The following CHD4 variants were observed in gnomAD, a reference collection of about 807,000 sequenced individuals.
CHD4 encodes ATP-dependent chromatin remodeler CHD4.
In CHD4, 35 loss-of-function variants were observed where a neutral mutation model predicts 235.5. The observed-to-expected ratio is 0.15, with a 90% CI of 0.11 to 0.20. The LOEUF is 0.20. CHD4 is among the 10% of genes least tolerant of loss of function. CHD4 has a pLI of 1.00. For missense variants in CHD4, 1,329 were observed against 2,432.3 expected, an observed-to-expected ratio of 0.55 and a Z score of 9.54; for synonymous variants, 900 against 850.2, an observed-to-expected ratio of 1.06 and a Z score of -1.02.
intron 1 of CHD4, 73 bp from the exon 2 acceptor site, chr12:6,606,524 C>T: frequency 2.0e-6 from 1 of 512,070 alleles, no homozygotes; most frequent in Non-Finnish European, 3.4e-6. Context: ...CACCCACCCG[C>T]TCTTTCCGCC....
intron 7 of CHD4, 68 bp from the exon 8 acceptor site, chr12:6,600,737 G>A: frequency 6.4e-7 from 1 of 1,563,140 alleles, no homozygotes; most frequent in Non-Finnish European, 8.7e-7. Context: ...GCAGAGAGGG[G>A]AGTACTCTCT....
chr12:6,578,036 T>G lies in CHD4; in HGVS notation c.5221A>C (p.Ile1741Leu). The G allele has an allele frequency of 1.2e-6, 2 of 1,612,610 alleles. No homozygotes were observed. The highest frequency in any genetic ancestry group is 4.5e-5 in the East Asian group (2 of 44,882). The change falls in exon 36 of 40, where the codon ATT (isoleucine) becomes CTT (leucine). Residue 1741 changes from isoleucine to leucine, a missense_variant. By Grantham distance (5) the Ile-to-Leu change is conservative. Coordinates refer to ENST00000544040, the MANE Select transcript of CHD4 (RefSeq NM_001273.5). ...RRHDYWLLAG[I>L]INHGYARWQD... ...GATTCAGGCAAAGGATACTTTATAA[T>G]GCCGGCTAGCAGCCAGTAGTCATGC...
rs962908440 is a variant in CHD4 at position 6,583,011 on chromosome 12, A to T, written c.4147+16T>A. 6.3e-7 allele frequency: 1 copy of T among 1,587,204 alleles called. No homozygotes were observed. Among genetic ancestry groups the T allele is most frequent in the Non-Finnish European group, 8.6e-7 (1 of 1,167,876 alleles). ...AGCAACATTTAGAAAAGCAACAAAA[A>T]AAGCACAGCCCTCACCTTCTGAACG... On this transcript the variant is annotated intron_variant, in intron 27 of 39. Coordinates refer to ENST00000544040, the MANE Select transcript of CHD4 (RefSeq NM_001273.5).
chr12:6,591,363 A>C, intron 22 of CHD4, 103 bp downstream of exon 22: 3 of 862,922 alleles, frequency 3.5e-6, no homozygotes, highest in Non-Finnish European at 5.5e-6. Context: ...CAAATGACAA[A>C]GTCCCAAAAG....
intron 33 of CHD4, among the ~76,000 whole-genome samples, chr12:6,579,862 C>T (rs1277638617): frequency 6.6e-6 from 1 of 151,696 alleles, no homozygotes; most frequent in East Asian, 1.9e-4. Flanking sequence ...GGAGACCATC[C>T]TAGCTAACAC....
intron 33 of CHD4, chr12:6,580,792 A>G: frequency 2.6e-6 from 1 of 379,780 alleles, no homozygotes; most frequent in Non-Finnish European, 4.7e-6. Context: ...GTGGATCATG[A>G]GGTCAGGAGA....
At position 6,593,412 on chromosome 12, in the gene CHD4, A is replaced by G; in HGVS notation, c.2514+4T>C. 6.2e-7 allele frequency: 1 copy of G among 1,613,552 alleles called. No homozygotes were observed. Among genetic ancestry groups the G allele is most frequent in the Non-Finnish European group, 8.5e-7 (1 of 1,179,516 alleles). On this transcript the variant is annotated splice_donor_region_variant and intron_variant, in intron 16 of 39. Transcript: ENST00000544040. The surrounding 1 kb of genome is among the most constrained non-coding windows in gnomAD (Gnocchi z 4.9). ...TCTAGGGTGGCTTCCCTCCCCTGAG[A>G]TACCTTCATGCGGGAGGCCTTCTTG...
At chr12:6,572,984 T>C in intron 38 of CHD4, 90 bp downstream of exon 38, 2 of 1,303,986 alleles carry the variant, frequency 1.5e-6, no homozygotes, top group Non-Finnish European at 2.1e-6. Flanking sequence ...ACAAAGGAGC[T>C]CTGAAAGTTT....
chr12:6,606,584 T>C (rs1374022343), intron 1 of CHD4, 133 bp from the exon 2 acceptor site: 2 of 470,856 alleles, frequency 4.2e-6, no homozygotes, highest in Non-Finnish European at 7.5e-6. Flanking sequence ...AGGCTGAACT[T>C]AGTTCCACAC....
chr12:6,601,629 C>A lies in CHD4; in HGVS notation c.557+19G>T. 2 of 1,613,768 alleles carry A rather than the reference C, an allele frequency of 1.2e-6. No homozygotes were observed. The highest frequency in any genetic ancestry group is 1.3e-5 in the African/African-American group (1 of 75,028). ...CAGAAAGATTCTCCTCCCCCTTCCC[C>A]AAACCCCTTCTGTTTTACCTGACAA... is the stretch of plus-strand genomic sequence containing the variant. On this transcript the variant is annotated intron_variant, in intron 5 of 39. Transcript: ENST00000544040.
chr12:6,588,985 C>T (rs866448521), intron 22 of CHD4, among the ~76,000 whole-genome samples: 1 of 152,082 alleles, frequency 6.6e-6, no homozygotes, highest in African/African-American at 2.4e-5. Context: ...CAGTGACTCA[C>T]ACCTGTAACC....
intron 22 of CHD4, among the ~76,000 whole-genome samples, chr12:6,590,539 C>T (rs1326172697): frequency 6.6e-6 from 1 of 151,984 alleles, no homozygotes; most frequent in Non-Finnish European, 1.5e-5. Flanking sequence ...AGTAGTGATA[C>T]TGAGCACAGT....
intron 2 of CHD4, among the ~76,000 whole-genome samples, chr12:6,603,403 G>C (rs1259992631): frequency 2.6e-5 from 4 of 152,138 alleles, no homozygotes; most frequent in Non-Finnish European, 4.4e-5. Context: ...GCCCAAAGGG[G>C]GGTGGGTAGA....
At chr12:6,596,542 A>C (rs1948500911) in intron 12 of CHD4, among the ~76,000 whole-genome samples, 1 of 151,008 alleles carries the variant, frequency 6.6e-6, no homozygotes, top group Non-Finnish European at 1.5e-5. Flanking sequence ...GCTCACGCCT[A>C]TAATCCCAGC....
Position 6,598,282 on chromosome 12 carries a change from C to A in CHD4, c.1626G>T (p.Gln542His). The change falls in exon 11 of 40, where the codon CAG becomes CAT. Residue 542 changes from glutamine (Q) to histidine (H), a missense_variant. Physicochemically the swap from Gln to His is conservative, Grantham distance 24. Around this residue, in one of 26 missense-constraint regions of CHD4, gnomAD observed 45 missense variants for 47.5 expected, o/e 0.95. Transcript: ENST00000544040. The part of the protein sequence containing the change: ...PKPLEGRPER[Q>H]FFVKWQGMSY... ...ACATGCCTTGCCATTTCACAAAGAA[C>A]TGCCGCTCTGGCCGCCCCTCCAAGG... The A allele has an allele frequency of 1.2e-6, 2 of 1,614,110 alleles. No homozygotes were observed. Among genetic ancestry groups the A allele is most frequent in the South Asian group, 1.1e-5 (1 of 91,056 alleles).
Position 6,599,946 on chromosome 12 carries a change from C to T in CHD4, c.1309G>A (p.Val437Ile). The T allele has an allele frequency of 6.2e-7, 1 of 1,614,208 alleles. No homozygotes were observed. The highest frequency in any genetic ancestry group is 8.5e-7 in the Non-Finnish European group (1 of 1,180,036). Residue 437 changes from valine (V) to isoleucine (I), a missense_variant, in exon 10 of 40, where the codon GTT becomes ATT. By Grantham distance (29) the Val-to-Ile change is conservative (BLOSUM62 3). This residue lies in a region of CHD4 where 37 missense variants were observed against 49.9 expected (regional missense o/e 0.74). Transcript: ENST00000544040. ...TCCTCCTCTTCGAGGTCTCCCCCAA[C>T]CTCTTCCAGGATCTCCTCACCCTCC... The part of the protein sequence containing the change: ...NSEGEEILEE[V>I]GGDLEEEDDH...
At chr12:6,588,448 T>C (rs1164261504) in intron 22 of CHD4, 26 bp from the exon 23 acceptor site, 3 of 1,608,400 alleles carry the variant, frequency 1.9e-6, no homozygotes, top group East Asian at 4.5e-5. Context: ...AAAACACCAT[T>C]AGAAGTGTCT....
At position 6,598,428 on chromosome 12, in the gene CHD4, G is replaced by A; in HGVS notation, c.1483-3C>T. 5.7e-6 allele frequency: 9 copies of A among 1,580,182 alleles called. No homozygotes were observed. Among genetic ancestry groups the A allele is most frequent in the Non-Finnish European group, 7.7e-6 (9 of 1,161,552 alleles). ...ACTTTGCCCTTCAGAGCTGGACACT[G>A]AGAGAAAAAGAGACAACTTAATCTC... On this transcript the variant is annotated splice_polypyrimidine_tract_variant and splice_region_variant and intron_variant, in intron 10 of 39. Coordinates refer to ENST00000544040, the MANE Select transcript of CHD4 (RefSeq NM_001273.5).
Position 6,573,055 on chromosome 12 carries a change from CA to C in CHD4, c.5557+18del. On this transcript the variant is annotated intron_variant, in intron 38 of 39. Transcript: ENST00000544040. The stretch of plus-strand genomic sequence containing the variant: ...TCAGGGAGGCCGAATCGGCAGGAGG[CA>C]GGGGAGCCACTGGCTACCTTTGTGC... The C allele has an allele frequency of 6.3e-7, 1 of 1,587,994 alleles. No individual in the cohort carries two copies. The highest frequency in any genetic ancestry group is 8.5e-7 in the Non-Finnish European group (1 of 1,170,996).
Sources: allele counts gnomAD v4.1 joint callset (sites outside exome capture counted in the v4.1 genomes callset), GRCh38; gene constraint gnomAD v4.1.1; regional missense constraint gnomAD v4.1.1; non-coding constraint Gnocchi (gnomAD v3.1); transcripts MANE v1.5; gene names NCBI Gene and HGNC (gene_info 2026-07-23, HGNC 2026-07-21).